Variants in FAF1 observed in about 807,000 individuals in gnomAD.
FAF1 encodes FAS-associated factor 1.
A neutral mutation model predicts 92.5 loss-of-function variants in FAF1; 25 were observed. The ratio of observed to expected loss-of-function variants is 0.27; its 90% CI spans 0.20 to 0.38. FAF1 has a LOEUF of 0.38. FAF1 is among the 10% of genes least tolerant of loss of function. FAF1 has a pLI of 1.00. For synonymous variants in FAF1, 234 were observed against 273.2 expected (o/e 0.86, Z 1.42); for missense variants, 636 against 793.3 (o/e 0.80, Z 2.38).
intron 15 of FAF1, among the ~76,000 whole-genome samples, chr1:50,503,964 A>G (rs1030044616): frequency 3.9e-5 from 6 of 152,242 alleles, no homozygotes; most frequent in Non-Finnish European, 5.9e-5. Flanking sequence ...TGATTGTGGT[A>G]AGGATTTCAT....
chr1:50,814,731 G>A (rs1218433143), intron 2 of FAF1, among the ~76,000 whole-genome samples: 1 of 152,126 alleles, frequency 6.6e-6, no homozygotes, highest in Non-Finnish European at 1.5e-5. Flanking sequence ...ATAAGTACAT[G>A]GAAAGATGCC....
chr1:50,905,422 AT>A (rs1464076955), intron 1 of FAF1, among the ~76,000 whole-genome samples: 2 of 152,212 alleles, frequency 1.3e-5, no homozygotes, highest in Non-Finnish European at 2.9e-5. Context: ...GCTGGGTCAA[AT>A]GGTATTTCTA....
At chr1:50,609,337 G>A (rs1003807109) in intron 8 of FAF1, among the ~76,000 whole-genome samples, 1 of 152,064 alleles carries the variant, frequency 6.6e-6, no homozygotes, top group South Asian at 2.1e-4. Flanking sequence ...TTTCACCCAG[G>A]GTCGATCACA....
chr1:50,881,390 T>C (rs1447112780), intron 1 of FAF1, among the ~76,000 whole-genome samples: 1 of 152,164 alleles, frequency 6.6e-6, no homozygotes, highest in African/African-American at 2.4e-5. Flanking sequence ...TTCAAAGTTG[T>C]CCTCCTGGTG....
intron 8 of FAF1, 40 bp from the exon 9 acceptor site, chr1:50,596,256 GC>G: frequency 1.4e-6 from 2 of 1,408,606 alleles, no homozygotes; most frequent in Non-Finnish European, 2.0e-6. Context: ...ACAAAATACG[GC>G]CATGTTTCAC....
chr1:50,763,684 A>G (rs1660450453), intron 4 of FAF1, among the ~76,000 whole-genome samples: 1 of 152,138 alleles, frequency 6.6e-6, no homozygotes, highest in South Asian at 2.1e-4. Flanking sequence ...TGACCTTTTC[A>G]ACAGTTAAAC....
intron 15 of FAF1, among the ~76,000 whole-genome samples, chr1:50,495,859 T>G (rs1258975884): frequency 6.6e-6 from 1 of 152,174 alleles, no homozygotes; most frequent in Non-Finnish European, 1.5e-5. Flanking sequence ...GAATCAGAAT[T>G]TAAACACAGT....
At chr1:50,502,297 G>A (rs2149016724) in intron 15 of FAF1, among the ~76,000 whole-genome samples, 2 of 152,208 alleles carry the variant, frequency 1.3e-5, no homozygotes, top group South Asian at 4.1e-4. Flanking sequence ...AAGACAGCAA[G>A]GAAATGCAAG....
chr1:50,803,144 C>T (rs1383824125), intron 2 of FAF1, among the ~76,000 whole-genome samples: 3 of 152,146 alleles, frequency 2.0e-5, no homozygotes, highest in Non-Finnish European at 1.5e-5. Context: ...AGTATTTCTG[C>T]CCAGTATCAA....
In FAF1 at chr1:50,438,618, A is replaced by C. The variant is rs1396710263; in HGVS notation, c.*2822T>G. 1 of 152,208 alleles carries C rather than the reference A, an allele frequency of 6.6e-6. No individual in the cohort carries two copies. Among genetic ancestry groups the C allele is most frequent in the East Asian group, 1.9e-4 (1 of 5,200 alleles). 9.4% of individuals were successfully genotyped at this position (152,208 alleles called of 1,614,324 possible). On this transcript the variant is annotated 3_prime_UTR_variant, in exon 19 of 19. Coordinates refer to ENST00000396153, the MANE Select transcript of FAF1 (RefSeq NM_007051.3). ...AATCAGTGATGCTGTTGTGGAGAGAATTAAGACCCTCTCCCACATTCAAAT... is the reference window on the plus strand; with the variant it reads ...AATCAGTGATGCTGTTGTGGAGAGACTTAAGACCCTCTCCCACATTCAAAT...
Position 50,440,182 on chromosome 1 carries a change from G to A in FAF1, c.*1258C>T, listed in dbSNP as rs569600503. ...CCACAGGTGACACAAAAACAGATAT[G>A]GAGAAATATTTCAAGACTAAAAATA... On this transcript the variant is annotated 3_prime_UTR_variant, in exon 19 of 19. Coordinates refer to ENST00000396153, the MANE Select transcript of FAF1 (RefSeq NM_007051.3). 1.3e-5 allele frequency: 2 copies of A among 152,240 alleles called. No homozygotes were observed. The highest frequency in any genetic ancestry group is 4.1e-4 in the South Asian group (2 of 4,824). The allele number at this position is 152,240 out of a possible 1,614,324, so 9.4% of individuals were successfully genotyped here. A position where few individuals can be genotyped will look rare whatever the true frequency, so the allele number is the denominator to read the frequency against.
At chr1:50,543,943 G>A (rs1159482999) in intron 13 of FAF1, among the ~76,000 whole-genome samples, 1 of 152,116 alleles carries the variant, frequency 6.6e-6, no homozygotes, top group African/African-American at 2.4e-5. Flanking sequence ...GAAAGGTCAA[G>A]GGGGAAGTGG....
intron 4 of FAF1, among the ~76,000 whole-genome samples, chr1:50,778,441 T>C (rs1316791879): frequency 6.6e-6 from 1 of 152,156 alleles, no homozygotes; most frequent in Non-Finnish European, 1.5e-5. Flanking sequence ...AATCTAGGTA[T>C]AGCTTTTGAC....
In FAF1 at chr1:50,496,098, T is replaced by C. The variant is rs368727888; in HGVS notation, c.1495-4297A>G. On this transcript the variant is annotated intron_variant, in intron 15 of 18. Coordinates refer to ENST00000396153, the MANE Select transcript of FAF1 (RefSeq NM_007051.3). ...ATGACACCCTCAGTAGTGTTAAAGA[T>C]TAGTAATCATCAGTTAACTCCTAAA... 1.7e-4 allele frequency among the ~76,000 whole-genome samples: 26 copies of C among 152,294 alleles called. No homozygotes were observed. In the South Asian group the frequency reaches 4.4e-3, roughly 26 times the overall value.
chr1:50,754,442 C>T (rs1659995036), intron 4 of FAF1, among the ~76,000 whole-genome samples: 1 of 152,178 alleles, frequency 6.6e-6, no homozygotes, highest in African/African-American at 2.4e-5. Context: ...TAGGAACAGA[C>T]ACTATTACCA....
At chr1:50,860,509 C>G (rs773803079) in intron 1 of FAF1, among the ~76,000 whole-genome samples, 3 of 151,762 alleles carry the variant, frequency 2.0e-5, no homozygotes, top group Admixed American at 1.3e-4. Flanking sequence ...TGTTCCACAT[C>G]ACCAATCACA....
rs369153028 is a variant in FAF1 at position 50,859,903 on chromosome 1, A to C, written c.46-1906T>G. 1.8e-4 allele frequency among the ~76,000 whole-genome samples: 28 copies of C among 151,964 alleles called. No individual in the cohort carries two copies. In the South Asian group the frequency reaches 4.6e-3, roughly 25 times the overall value. ...TGGAATCGATACAAAAACAGACATAAACACTCATGGAACAGAATAGAGAAC... is the reference window on the plus strand; with the variant it reads ...TGGAATCGATACAAAAACAGACATACACACTCATGGAACAGAATAGAGAAC... On this transcript the variant is annotated intron_variant, in intron 1 of 18. Coordinates refer to ENST00000396153, the MANE Select transcript of FAF1 (RefSeq NM_007051.3).
intron 13 of FAF1, among the ~76,000 whole-genome samples, chr1:50,544,872 G>A (rs1648935317): frequency 1.3e-5 from 2 of 152,170 alleles, no homozygotes; most frequent in Non-Finnish European, 2.9e-5. Context: ...AGAATTTCAG[G>A]TGTAGAGAAC....
In FAF1 at chr1:50,810,000, A is replaced by T. The variant is rs543253701; in HGVS notation, c.115-8323T>A. Among the ~76,000 whole-genome samples, 4 of 152,348 alleles carry T rather than the reference A, an allele frequency of 2.6e-5. No individual in the cohort carries two copies. In the South Asian group the frequency reaches 8.3e-4, roughly 32 times the overall value. Reference sequence around the variant, plus strand: ...GCTTGGCGCAGTGGCTCATGCCTGTAATCCCAGCACTTTGGGAGGCTGAGG... The same window carrying T: ...GCTTGGCGCAGTGGCTCATGCCTGTTATCCCAGCACTTTGGGAGGCTGAGG... On this transcript the variant is annotated intron_variant, in intron 2 of 18. Coordinates refer to ENST00000396153, the MANE Select transcript of FAF1 (RefSeq NM_007051.3).
Sources: allele counts gnomAD v4.1 joint callset (sites outside exome capture counted in the v4.1 genomes callset), GRCh38; gene constraint gnomAD v4.1.1; transcripts MANE v1.5; gene names NCBI Gene and HGNC (gene_info 2026-07-23, HGNC 2026-07-21).